AUTS2: variants seen among roughly 807,000 people sequenced by gnomAD.
AUTS2 encodes activator of transcription and developmental regulator AUTS2.
Under a neutral mutation model 112.4 loss-of-function variants are expected in AUTS2, and 17 were observed. That is an observed-to-expected ratio of 0.15 (90% CI 0.10 to 0.23). The LOEUF (loss-of-function observed/expected upper bound fraction) is 0.23. AUTS2 is among the 10% of genes least tolerant of loss of function. The probability of loss-of-function intolerance (pLI) is 1.00; values close to 1 mark genes in which losing one functional copy is unlikely to be tolerated. For missense variants in AUTS2, 1,510 were observed against 1,701.6 expected (o/e 0.89, Z 1.98); for synonymous variants, 751 against 702.7 (o/e 1.07, Z -1.09).
chr7:70,156,014 C>T (rs1807729905), intron 4 of AUTS2, among the ~76,000 whole-genome samples: 1 of 152,088 alleles, frequency 6.6e-6, no homozygotes. Flanking sequence ...TTGGTTTTGT[C>T]TGCTGACACG....
intron 14 of AUTS2, 110 bp from the exon 15 acceptor site, chr7:70,781,505 T>C (rs946725764): frequency 1.1e-5 from 15 of 1,353,196 alleles, no homozygotes; most frequent in Non-Finnish European, 1.5e-5. Context: ...ACAGTGTTTG[T>C]AAACTTGAAC....
intron 1 of AUTS2, among the ~76,000 whole-genome samples, chr7:69,724,210 T>C (rs1009434792): frequency 6.6e-6 from 1 of 152,232 alleles, no homozygotes; most frequent in African/African-American, 2.4e-5. Flanking sequence ...TTTCTAACTC[T>C]GTTTCTTTGT....
intron 5 of AUTS2, among the ~76,000 whole-genome samples, chr7:70,450,769 G>A (rs953396103): frequency 9.9e-5 from 15 of 152,080 alleles, no homozygotes; most frequent in Non-Finnish European, 1.5e-4. Flanking sequence ...TTTGAGAGGT[G>A]ATAGAGATCT....
chr7:70,682,551 C>T (rs1180443284), intron 5 of AUTS2, among the ~76,000 whole-genome samples: 1 of 152,192 alleles, frequency 6.6e-6, no homozygotes, highest in Non-Finnish European at 1.5e-5. Flanking sequence ...TCACTTCCTC[C>T]CAGAGGCAGG....
At chr7:70,220,420 C>T (rs1489176377) in intron 4 of AUTS2, among the ~76,000 whole-genome samples, 1 of 151,906 alleles carries the variant, frequency 6.6e-6, no homozygotes, top group Non-Finnish European at 1.5e-5. Context: ...TGCTAAGCAT[C>T]GAGGGATATT....
At chr7:69,848,671 A>G (rs1792322225) in intron 1 of AUTS2, among the ~76,000 whole-genome samples, 1 of 152,102 alleles carries the variant, frequency 6.6e-6, no homozygotes, top group Non-Finnish European at 1.5e-5. Context: ...TATTTGTTGG[A>G]TTACATTTGT....
At position 69,990,990 on chromosome 7, in the gene AUTS2, T is replaced by C. The variant is rs141148478; in HGVS notation, c.522+91492T>C. ...ATCAGCAGTCAGTAGAGCTCATTAG[T>C]AGAGGAGAGAGGAGAGTTTTCTTTT... On this transcript the variant is annotated intron_variant, in intron 2 of 18. Coordinates refer to ENST00000342771, the MANE Select transcript of AUTS2 (RefSeq NM_015570.4). Among the ~76,000 whole-genome samples, 42 of 152,242 alleles carry C rather than the reference T, an allele frequency of 2.8e-4. No homozygotes were observed. In the East Asian group the frequency reaches 7.5e-3, roughly 27 times the overall value.
chr7:70,237,148 G>A (rs1056715112), intron 4 of AUTS2, among the ~76,000 whole-genome samples: 29 of 152,124 alleles, frequency 1.9e-4, no homozygotes, highest in Middle Eastern at 3.2e-3. Flanking sequence ...GTTCACTGTT[G>A]ATTCCTGCTT....
intron 1 of AUTS2, among the ~76,000 whole-genome samples, chr7:69,837,795 C>T (rs1474813650): frequency 6.6e-6 from 1 of 152,148 alleles, no homozygotes; most frequent in East Asian, 1.9e-4. Flanking sequence ...GACACTGAGC[C>T]TCTTATTAAT....
At chr7:70,401,292 T>G (rs966752982) in intron 4 of AUTS2, among the ~76,000 whole-genome samples, 4 of 152,180 alleles carry the variant, frequency 2.6e-5, no homozygotes, top group Non-Finnish European at 5.9e-5. Context: ...CCCTGAGATG[T>G]GTGCCAGGAT....
At chr7:69,694,276 T>A (rs1045209067) in intron 1 of AUTS2, among the ~76,000 whole-genome samples, 3 of 152,144 alleles carry the variant, frequency 2.0e-5, no homozygotes, top group Admixed American at 1.3e-4. Context: ...GGGGTAAGGA[T>A]TAGGAATGTT....
intron 4 of AUTS2, among the ~76,000 whole-genome samples, chr7:70,430,225 G>C (rs1795597838): frequency 6.6e-6 from 1 of 152,144 alleles, no homozygotes; most frequent in African/African-American, 2.4e-5. Context: ...GTGATTGCTT[G>C]GTGATGCTAT....
intron 5 of AUTS2, among the ~76,000 whole-genome samples, chr7:70,541,077 C>T (rs181021148): frequency 7.9e-4 from 120 of 152,234 alleles, no homozygotes; most frequent in Admixed American, 4.3e-3. Context: ...TAAATCCAGT[C>T]CCCTTTCTAC....
intron 1 of AUTS2, among the ~76,000 whole-genome samples, chr7:69,627,547 A>AG (rs1794015276): frequency 6.6e-6 from 1 of 152,128 alleles, no homozygotes; most frequent in African/African-American, 2.4e-5. Flanking sequence ...CAGACACTTT[A>AG]GTAGCTACTG....
In AUTS2 at chr7:70,779,148, TAAAG is replaced by T. The variant is rs550667505; in HGVS notation, c.2004+1975_2004+1978del. ...GCACTAAATAATTTGGCCACCAAAT[TAAAG>T]GAGGTATTCAAAAGAATTTTATAGA... is the stretch of plus-strand genomic sequence containing the variant. On this transcript the variant is annotated intron_variant, in intron 14 of 18. Coordinates refer to ENST00000342771, the MANE Select transcript of AUTS2 (RefSeq NM_015570.4). Among the ~76,000 whole-genome samples, 27 of 152,270 alleles carry T rather than the reference TAAAG, an allele frequency of 1.8e-4. 2 individuals carry two copies. In the South Asian group the frequency reaches 4.4e-3, roughly 25 times the overall value.
intron 4 of AUTS2, among the ~76,000 whole-genome samples, chr7:70,409,505 G>T (rs1309915454): frequency 6.6e-6 from 1 of 152,172 alleles, no homozygotes; most frequent in Non-Finnish European, 1.5e-5. Flanking sequence ...ATGTGGGCTT[G>T]TACATGTGTG....
chr7:70,091,692 A>T (rs1444886409), intron 2 of AUTS2, among the ~76,000 whole-genome samples: 1 of 152,180 alleles, frequency 6.6e-6, no homozygotes, highest in Admixed American at 6.5e-5. Context: ...CAGATGAAGG[A>T]TAAGTGCTTC....
At chr7:69,811,749 G>T (rs1228511694) in intron 1 of AUTS2, among the ~76,000 whole-genome samples, 2 of 152,088 alleles carry the variant, frequency 1.3e-5, no homozygotes, top group African/African-American at 4.8e-5. Context: ...TTCATTCCCT[G>T]TTCCCCCAAT....
At chr7:70,206,694 T>C (rs1401612600) in intron 4 of AUTS2, among the ~76,000 whole-genome samples, 2 of 152,224 alleles carry the variant, frequency 1.3e-5, no homozygotes, top group East Asian at 3.9e-4. Flanking sequence ...CCTACACTGT[T>C]CCTTGCCTCA....
Sources: allele counts gnomAD v4.1 joint callset (sites outside exome capture counted in the v4.1 genomes callset), GRCh38; gene constraint gnomAD v4.1.1; transcripts MANE v1.5; gene names NCBI Gene and HGNC (gene_info 2026-07-23, HGNC 2026-07-21).